The following AGTPBP1 variants were observed in gnomAD, a reference collection of about 807,000 sequenced individuals.
The protein encoded by AGTPBP1 is ATP/GTP binding carboxypeptidase 1, also known as cytosolic carboxypeptidase 1.
A neutral mutation model predicts 143.9 loss-of-function variants in AGTPBP1; 70 were observed. That is an observed-to-expected ratio of 0.49 (90% CI 0.40 to 0.59). AGTPBP1 has a LOEUF of 0.59. Among genes scored for constraint, AGTPBP1 ranks in the 20% least tolerant of loss-of-function variants. The probability of loss-of-function intolerance (pLI) is 0.00; values close to 1 mark genes in which losing one functional copy is unlikely to be tolerated. For synonymous variants in AGTPBP1, 463 were observed against 500.2 expected, an observed-to-expected ratio of 0.93 and a Z score of 0.99; for missense variants, 1,229 against 1,464.5, an observed-to-expected ratio of 0.84 and a Z score of 2.62.
the AGTPBP1 span, among the ~76,000 whole-genome samples, chr9:85,759,734 A>C: frequency 8.6e-3 from 1,304 of 152,308 alleles, 18 homozygotes; most frequent in African/African-American, 0.03. Flanking sequence ...GAGCAAACAC[A>C]TTCAAAAGCT....
chr9:85,550,344 A>G (rs1390075507), intron 25 of AGTPBP1, among the ~76,000 whole-genome samples: 1 of 152,072 alleles, frequency 6.6e-6, no homozygotes, highest in East Asian at 1.9e-4. Context: ...TCCAATCACC[A>G]TTTTCCAGTC....
upstream of AGTPBP1, among the ~76,000 whole-genome samples, chr9:85,745,460 T>A (rs1305388128): frequency 6.6e-6 from 1 of 152,208 alleles, no homozygotes; most frequent in Non-Finnish European, 1.5e-5. Context: ...AAGCAAATGA[T>A]AATGCTCAAC....
chr9:85,752,693 T>C, the AGTPBP1 span, among the ~76,000 whole-genome samples: 2 of 152,176 alleles, frequency 1.3e-5, no homozygotes. Context: ...CTCACGAATA[T>C]GTACAATTAT....
At chr9:85,778,414 TG>T in the AGTPBP1 span, among the ~76,000 whole-genome samples, 1 of 152,170 alleles carries the variant, frequency 6.6e-6, no homozygotes, top group Non-Finnish European at 1.5e-5. Context: ...GATTCACCTA[TG>T]GGGGTCTGCG....
chr9:85,557,486 C>T (rs1257745987), intron 25 of AGTPBP1, among the ~76,000 whole-genome samples: 1 of 152,158 alleles, frequency 6.6e-6, no homozygotes, highest in East Asian at 1.9e-4. Flanking sequence ...CCAGAAAAAT[C>T]TCAGTAGTAA....
At position 85,588,344 on chromosome 9, in the gene AGTPBP1, A is replaced by G. The variant is rs768291192; in HGVS notation, c.2857T>C (p.Phe953Leu). 8 of 1,610,228 alleles carry G rather than the reference A, an allele frequency of 5.0e-6. No individual in the cohort carries two copies. Among genetic ancestry groups the G allele is most frequent in the Non-Finnish European group, 6.8e-6 (8 of 1,178,760 alleles). Residue 953 changes from phenylalanine to leucine, a missense_variant, in exon 21 of 26, where the codon TTT becomes CTT. By Grantham distance (22) the Phe-to-Leu change is conservative. This residue lies in a region of AGTPBP1 where 486 missense variants were observed against 652.3 expected (regional missense o/e 0.75). Transcript: ENST00000357081. ...GGATTTAACATAGGGACAATTTTAAAAATATAAGATTCTCGTAAGCTCTGA... is the reference window on the plus strand; with the variant it reads ...GGATTTAACATAGGGACAATTTTAAGAATATAAGATTCTCGTAAGCTCTGA... ...TAQSLRESYIFKIVPMLNPDG... is the reference protein window; with the variant it reads ...TAQSLRESYILKIVPMLNPDG...
At position 85,677,533 on chromosome 9, in the gene AGTPBP1, T is replaced by C; in HGVS notation, c.339A>G (p.Ile113Met). ...SFLVTKGGSQ[I>M]LLQLLMNASK... ...TGGCATTCATAAGTAACTGCAACAA[T>C]ATTTGTGAACCACCTTTGGTGACTA... is the stretch of plus-strand genomic sequence containing the variant. Residue 113 changes from isoleucine to methionine, a missense_variant, in exon 6 of 26, where the codon ATA becomes ATG. This residue lies in a region of AGTPBP1 where 743 missense variants were observed against 812.2 expected (regional missense o/e 0.91). Transcript: ENST00000357081. 1 of 1,600,724 alleles carries C rather than the reference T, an allele frequency of 6.2e-7. No homozygotes were observed. Among genetic ancestry groups the C allele is most frequent in the Non-Finnish European group, 8.5e-7 (1 of 1,173,872 alleles).
the AGTPBP1 span, among the ~76,000 whole-genome samples, chr9:85,771,149 A>G: frequency 6.6e-6 from 1 of 152,200 alleles, no homozygotes; most frequent in Non-Finnish European, 1.5e-5. Flanking sequence ...TGAAAAGTAC[A>G]TTCAATTTAT....
At chr9:85,616,865 A>C (rs1830630669) in intron 17 of AGTPBP1, among the ~76,000 whole-genome samples, 1 of 152,070 alleles carries the variant, frequency 6.6e-6, no homozygotes, top group Admixed American at 6.5e-5. Context: ...CTGCATCAAG[A>C]ATATTCCTAT....
At chr9:85,634,556 G>A (rs1831910804) in intron 13 of AGTPBP1, among the ~76,000 whole-genome samples, 1 of 152,198 alleles carries the variant, frequency 6.6e-6, no homozygotes, top group Non-Finnish European at 1.5e-5. Flanking sequence ...AGCCATGACA[G>A]GGAGGGATGC....
intron 2 of AGTPBP1, among the ~76,000 whole-genome samples, chr9:85,696,592 C>G (rs1240137813): frequency 6.6e-6 from 1 of 151,618 alleles, no homozygotes; most frequent in South Asian, 2.1e-4. Context: ...TGCTTGAACC[C>G]GGGAGGTGGA....
At chr9:85,644,497 C>T (rs944618838) in intron 12 of AGTPBP1, among the ~76,000 whole-genome samples, 19 of 149,580 alleles carry the variant, frequency 1.3e-4, no homozygotes, top group African/African-American at 3.9e-4. Flanking sequence ...TACAACACTC[C>T]GAAAGCTCAA....
At chr9:85,750,794 G>A in the AGTPBP1 span, among the ~76,000 whole-genome samples, 12 of 152,196 alleles carry the variant, frequency 7.9e-5, no homozygotes, top group Non-Finnish European at 1.3e-4. Context: ...CTGGTTTGGA[G>A]CATGGGGGTG....
chr9:85,646,392 C>A lies in AGTPBP1; in HGVS notation c.1114G>T (p.Asp372Tyr). ...EVDDVVDESD[D>Y]NDDIDVEAEN... ...GCTTCTACATCAATATCATCGTTGTCATCACTTTCATCTACTACGTCATCC... is the reference window on the plus strand; with the variant it reads ...GCTTCTACATCAATATCATCGTTGTAATCACTTTCATCTACTACGTCATCC... Residue 372 changes from aspartate to tyrosine, a missense_variant, in exon 12 of 26, where the codon GAC (aspartate) becomes TAC (tyrosine). This residue lies in a region of AGTPBP1 where 743 missense variants were observed against 812.2 expected (regional missense o/e 0.91). Transcript: ENST00000357081. 1 of 1,612,952 alleles carries A rather than the reference C, an allele frequency of 6.2e-7. No homozygotes were observed. The highest frequency in any genetic ancestry group is 8.5e-7 in the Non-Finnish European group (1 of 1,179,720).
chr9:85,669,617 T>C (rs775311466), intron 7 of AGTPBP1, 39 bp from the exon 8 acceptor site: 6 of 1,424,914 alleles, frequency 4.2e-6, no homozygotes, highest in Non-Finnish European at 5.9e-6. Flanking sequence ...TATTTTAAGG[T>C]TTGACAACCA....
chr9:85,743,625 C>T (rs1262679952), upstream of AGTPBP1, among the ~76,000 whole-genome samples: 1 of 152,118 alleles, frequency 6.6e-6, no homozygotes, highest in Non-Finnish European at 1.5e-5. Flanking sequence ...TACAGGATTT[C>T]GAAATACATA....
chr9:85,775,285 A>C, the AGTPBP1 span, among the ~76,000 whole-genome samples: 1 of 151,924 alleles, frequency 6.6e-6, no homozygotes, highest in Non-Finnish European at 1.5e-5. Context: ...CCTGGGTGAC[A>C]GAGTTAAGAC....
At chr9:85,676,057 A>C (rs1191951329) in intron 6 of AGTPBP1, among the ~76,000 whole-genome samples, 1 of 152,108 alleles carries the variant, frequency 6.6e-6, no homozygotes, top group Non-Finnish European at 1.5e-5. Context: ...TACTAAGTCT[A>C]AGAAAAAGCT....
intron 1 of AGTPBP1, among the ~76,000 whole-genome samples, chr9:85,718,950 G>C (rs1013198752): frequency 6.6e-6 from 1 of 152,172 alleles, no homozygotes; most frequent in African/African-American, 2.4e-5. Flanking sequence ...GCTTGTTTTT[G>C]TCAGGTTTGT....
Sources: gnomAD v4.1 joint callset for allele counts (sites outside exome capture counted in the v4.1 genomes callset) on GRCh38, gnomAD v4.1.1 for gene constraint, gnomAD v4.1.1 regional missense constraint, MANE v1.5 for transcripts, NCBI Gene and HGNC (gene_info 2026-07-23, HGNC 2026-07-21) for gene names.